Variants in PCDHGC3 observed in about 807,000 individuals in gnomAD.
PCDHGC3 encodes the protein protocadherin gamma-C3.
PCDHGC3 carries 26 observed loss-of-function variants against 59.2 expected under a neutral mutation model. That is an observed-to-expected ratio of 0.44 (90% CI 0.32 to 0.61). The LOEUF (loss-of-function observed/expected upper bound fraction) is 0.61, where lower values mean the gene tolerates loss of function less well. Ranked by LOEUF, PCDHGC3 falls within the 20% of genes least tolerant of loss-of-function variation. The pLI, the probability that PCDHGC3 is intolerant of heterozygous loss-of-function variation, is 0.05. For missense variants in PCDHGC3, 1,080 were observed against 1,221.8 expected, an observed-to-expected ratio of 0.88 and a Z score of 1.73; for synonymous variants, 487 against 519.7, an observed-to-expected ratio of 0.94 and a Z score of 0.86.
In PCDHGC3 at chr5:141,476,299, C is replaced by T; in HGVS notation, c.183C>T (p.Leu61=). ...ACCTTGGTTTGGATCTCGGTAGCCT[C>T]TCAGCCCGCAGGTTCCGGGTGGTGT... The part of the protein sequence containing the change: ...VANLGLDLGS[L]SARRFRVVSG... The change falls in exon 1 of 4, where the codon CTC becomes CTT. Residue 61 remains leucine, a synonymous_variant. Transcript: ENST00000308177. The surrounding 1 kb of genome is among the most constrained non-coding windows in gnomAD (Gnocchi z 7.6). The T allele has an allele frequency of 6.2e-7, 1 of 1,614,100 alleles. No individual in the cohort carries two copies. The highest frequency in any genetic ancestry group is 1.1e-5 in the South Asian group (1 of 91,074).
In PCDHGC3 at chr5:141,485,101, T is replaced by C; in HGVS notation, c.2430+6555T>C. On this transcript the variant is annotated intron_variant, in intron 1 of 3. Coordinates refer to ENST00000308177, the MANE Select transcript of PCDHGC3 (RefSeq NM_002588.4). The surrounding 1 kb of genome is among the most constrained non-coding windows in gnomAD (Gnocchi z 5.7). ...GGAAAGGGAGATAGGTGTCTCCAGC[T>C]GCTGTGGCTGTTTGGGGCGGGTCGG... 1 of 1,158,208 alleles carries C rather than the reference T, an allele frequency of 8.6e-7. No homozygotes were observed. Among genetic ancestry groups the C allele is most frequent in the South Asian group, 1.4e-5 (1 of 72,622 alleles). The allele number at this position is 1,158,208 out of a possible 1,614,324, so 71.7% of individuals were successfully genotyped here.
At position 141,476,827 on chromosome 5, in the gene PCDHGC3, G is replaced by A; in HGVS notation, c.711G>A (p.Ala237=). Residue 237 remains alanine (A), a synonymous_variant, in exon 1 of 4, where the codon GCG becomes GCA. Transcript: ENST00000308177. The surrounding 1 kb of genome is among the most constrained non-coding windows in gnomAD (Gnocchi z 7.6). ...SLPIHIKVLD[A]NDNAPVFNQS... ...CTATTCACATCAAGGTGCTGGACGC[G>A]AATGACAATGCGCCTGTCTTCAACC... The A allele has an allele frequency of 1.2e-6, 2 of 1,613,542 alleles. No individual in the cohort carries two copies. Among genetic ancestry groups the A allele is most frequent in the Non-Finnish European group, 1.7e-6 (2 of 1,180,046 alleles).
intron 3 of PCDHGC3, among the ~76,000 whole-genome samples, chr5:141,509,109 G>A (rs893509101): frequency 5.3e-5 from 8 of 152,240 alleles, no homozygotes; most frequent in African/African-American, 1.9e-4. Flanking sequence ...AAACCTGAGC[G>A]CTGGTGCGTG....
intron 2 of PCDHGC3, among the ~76,000 whole-genome samples, chr5:141,505,177 A>G (rs917485235): frequency 6.6e-6 from 1 of 152,180 alleles, no homozygotes; most frequent in East Asian, 1.9e-4. Flanking sequence ...AAAAGAAAAA[A>G]GCATCGGAGG....
rs2099883850 is a variant in PCDHGC3, at chr5:141,511,565, A to T, written c.*392A>T. The T allele has an allele frequency of 3.4e-6, 1 of 295,974 alleles. No homozygotes were observed. Among genetic ancestry groups the T allele is most frequent in the African/African-American group, 2.2e-5 (1 of 46,502 alleles). The allele number at this position is 295,974 out of a possible 1,614,324, so 18.3% of individuals were successfully genotyped here. The stretch of plus-strand genomic sequence containing the variant: ...CCACTCCAACAGTTCCTCTTTCCCG[A>T]GTAAGGTGGTTGGGGTGTTGAAGTA... On this transcript the variant is annotated 3_prime_UTR_variant, in exon 4 of 4. Coordinates refer to ENST00000308177, the MANE Select transcript of PCDHGC3 (RefSeq NM_002588.4).
chr5:141,502,900 T>C (rs1433421797), intron 2 of PCDHGC3, among the ~76,000 whole-genome samples: 2 of 147,288 alleles, frequency 1.4e-5, no homozygotes, highest in Non-Finnish European at 3.0e-5. Flanking sequence ...TCTAGCTCTG[T>C]TGCCAGGCTG....
At position 141,478,415 on chromosome 5, in the gene PCDHGC3, C is replaced by T; in HGVS notation, c.2299C>T (p.Arg767Cys). ...TCAGGTGTATCTCACCACGGACTCC[C>T]GCCGCAGCGACCCGCTGCTGAAGAA... ...YHQVYLTTDS[R>C]RSDPLLKKPG... The change falls in exon 1 of 4, where the codon CGC becomes TGC. Residue 767 changes from arginine (R) to cysteine (C), a missense_variant. Arg to Cys is a radical substitution (Grantham distance 180). Coordinates refer to ENST00000308177, the MANE Select transcript of PCDHGC3 (RefSeq NM_002588.4). The T allele has an allele frequency of 6.2e-7, 1 of 1,613,648 alleles. No individual in the cohort carries two copies. Among genetic ancestry groups the T allele is most frequent in the Non-Finnish European group, 8.5e-7 (1 of 1,180,020 alleles).
In PCDHGC3 at chr5:141,486,157, AG is replaced by A. The variant is rs1562110605; in HGVS notation, c.2430+7612del. 1 of 1,614,208 alleles carries A rather than the reference AG, an allele frequency of 6.2e-7. No homozygotes were observed. Among genetic ancestry groups the A allele is most frequent in the Admixed American group, 1.7e-5 (1 of 60,026 alleles). On this transcript the variant is annotated intron_variant, in intron 1 of 3. Coordinates refer to ENST00000308177, the MANE Select transcript of PCDHGC3 (RefSeq NM_002588.4). This position sits in a 1 kb window ranked among gnomAD's most constrained non-coding sequence, Gnocchi z 5.0. ...TGCGGGCTCGCGATGGGGGTTCTCC[AG>A]CCATGGAGCAACATTGCAGCCTTCG...
At position 141,486,449 on chromosome 5, in the gene PCDHGC3, A is replaced by G; in HGVS notation, c.2430+7903A>G. On this transcript the variant is annotated intron_variant, in intron 1 of 3. Coordinates refer to ENST00000308177, the MANE Select transcript of PCDHGC3 (RefSeq NM_002588.4). The surrounding 1 kb of genome is among the most constrained non-coding windows in gnomAD (Gnocchi z 5.0). The stretch of plus-strand genomic sequence containing the variant: ...CAAATCTAGCTATGACATCATGGTC[A>G]CTGCTTCTGATGCTGGGAACCCTCC... The G allele has an allele frequency of 6.2e-7, 1 of 1,614,184 alleles. No homozygotes were observed. Among genetic ancestry groups the G allele is most frequent in the Non-Finnish European group, 8.5e-7 (1 of 1,180,000 alleles).
intron 1 of PCDHGC3, among the ~76,000 whole-genome samples, chr5:141,488,261 G>T (rs993627373): frequency 6.6e-6 from 1 of 152,148 alleles, no homozygotes; most frequent in Non-Finnish European, 1.5e-5. Flanking sequence ...GGTTGGGGCG[G>T]GTTGGTCATC....
Position 141,486,791 on chromosome 5 carries a change from C to G in PCDHGC3, c.2431-8016C>G. On this transcript the variant is annotated intron_variant, in intron 1 of 3. Coordinates refer to ENST00000308177, the MANE Select transcript of PCDHGC3 (RefSeq NM_002588.4). The surrounding 1 kb of genome is among the most constrained non-coding windows in gnomAD (Gnocchi z 5.0). ...GCAGTTTGAGGTGCAGGCCCGGGAT[C>G]GGGGCAACCCACCCCTTAGCAGCAC... The G allele has an allele frequency of 1.9e-6, 3 of 1,614,224 alleles. No individual in the cohort carries two copies. The highest frequency in any genetic ancestry group is 2.5e-6 in the Non-Finnish European group (3 of 1,180,046).
chr5:141,512,068 C>T lies in PCDHGC3; in HGVS notation c.*895C>T, dbSNP rs1215311369. 6.6e-6 allele frequency: 1 copy of T among 152,664 alleles called. No individual in the cohort carries two copies. The highest frequency in any genetic ancestry group is 1.5e-5 in the Non-Finnish European group (1 of 68,066). The allele number at this position is 152,664 out of a possible 1,614,324, so 9.5% of individuals were successfully genotyped here. On this transcript the variant is annotated 3_prime_UTR_variant, in exon 4 of 4. Transcript: ENST00000308177. The stretch of plus-strand genomic sequence containing the variant: ...TCCTCAGGGGACTGACAACATCCTC[C>T]AGATTCCAGCCATAAACCAATAACT...
Position 141,493,806 on chromosome 5 carries a change from T to C in PCDHGC3, c.2431-1001T>C, listed in dbSNP as rs1339302166. On this transcript the variant is annotated intron_variant, in intron 1 of 3. Coordinates refer to ENST00000308177, the MANE Select transcript of PCDHGC3 (RefSeq NM_002588.4). This position sits in a 1 kb window ranked among gnomAD's most constrained non-coding sequence, Gnocchi z 4.3. ...TCCTTCTCCCTGGAGTAATCTGAGA[T>C]ACTCACACTCTCTGCTTCTGGGAGC... is the stretch of plus-strand genomic sequence containing the variant. Among the ~76,000 whole-genome samples, 1 of 152,162 alleles carries C rather than the reference T, an allele frequency of 6.6e-6. No homozygotes were observed. The highest frequency in any genetic ancestry group is 1.5e-5 in the Non-Finnish European group (1 of 68,038).
intron 2 of PCDHGC3, among the ~76,000 whole-genome samples, chr5:141,505,026 G>A (rs190826538): frequency 4.6e-5 from 7 of 152,316 alleles, no homozygotes; most frequent in African/African-American, 1.7e-4. Context: ...GCCTGGCACA[G>A]TGGCAGGTGC....
chr5:141,491,646 G>T lies in PCDHGC3; in HGVS notation c.2431-3161G>T. On this transcript the variant is annotated intron_variant, in intron 1 of 3. Transcript: ENST00000308177. The surrounding 1 kb of genome is among the most constrained non-coding windows in gnomAD (Gnocchi z 6.9). ...GCGTTCAGCAGCCCACAGCTCTGGC[G>T]CTGGAGCCTGACGCCATCCGGTCCC... is the stretch of plus-strand genomic sequence containing the variant. 1 of 1,613,872 alleles carries T rather than the reference G, an allele frequency of 6.2e-7. No individual in the cohort carries two copies. The highest frequency in any genetic ancestry group is 8.5e-7 in the Non-Finnish European group (1 of 1,180,030).
In PCDHGC3 at chr5:141,476,883, A is replaced by G. The variant is rs1266909654; in HGVS notation, c.767A>G (p.Asp256Gly). ...TTGTACCGGGCGCGCGTCCTGGAGG[A>G]TGCACCCTCCGGCACGCGCGTGGTA... The part of the protein sequence containing the change: ...QSLYRARVLE[D>G]APSGTRVVQV... The change falls in exon 1 of 4, where the codon GAT becomes GGT. Residue 256 changes from aspartate (D) to glycine (G), a missense_variant. Coordinates refer to ENST00000308177, the MANE Select transcript of PCDHGC3 (RefSeq NM_002588.4). This position sits in a 1 kb window ranked among gnomAD's most constrained non-coding sequence, Gnocchi z 7.6. 1 of 1,613,916 alleles carries G rather than the reference A, an allele frequency of 6.2e-7. No individual in the cohort carries two copies. The highest frequency in any genetic ancestry group is 8.5e-7 in the Non-Finnish European group (1 of 1,180,026).
chr5:141,477,565 C>T lies in PCDHGC3; in HGVS notation c.1449C>T (p.Asp483=), dbSNP rs1168703868. 3.1e-6 allele frequency: 5 copies of T among 1,614,146 alleles called. No homozygotes were observed. The highest frequency in any genetic ancestry group is 4.2e-6 in the Non-Finnish European group (5 of 1,180,030). Residue 483 remains aspartate, a synonymous_variant, in exon 1 of 4, where the codon GAC becomes GAT. Transcript: ENST00000308177. The surrounding 1 kb of genome is among the most constrained non-coding windows in gnomAD (Gnocchi z 4.9). ...GAPILNLSVW[D]PDAPQNARLS... ...CAATACTAAACCTAAGTGTCTGGGA[C>T]CCCGACGCCCCGCAGAATGCTCGGC... is the stretch of plus-strand genomic sequence containing the variant.
chr5:141,507,915 G>A (rs1324577269), intron 3 of PCDHGC3, among the ~76,000 whole-genome samples: 2 of 152,224 alleles, frequency 1.3e-5, no homozygotes, highest in African/African-American at 4.8e-5. Flanking sequence ...AGCCAGGCCT[G>A]TGGGGCTGCT....
intron 1 of PCDHGC3, chr5:141,492,050 C>T (rs2099736541): frequency 4.0e-6 from 2 of 500,984 alleles, no homozygotes; most frequent in South Asian, 7.5e-5. Context: ...AGATCCACCC[C>T]TGCAGCCAGC....
Sources: allele counts gnomAD v4.1 joint callset (sites outside exome capture counted in the v4.1 genomes callset), GRCh38; gene constraint gnomAD v4.1.1; non-coding constraint Gnocchi (gnomAD v3.1); transcripts MANE v1.5; gene names NCBI Gene and HGNC (gene_info 2026-07-23, HGNC 2026-07-21).